Variants in LSAMP observed in about 807,000 individuals in gnomAD.
LSAMP encodes limbic system associated membrane protein, also known as limbic system-associated membrane protein.
In LSAMP, 7 loss-of-function variants were observed where a neutral mutation model predicts 38.6. The ratio of observed to expected loss-of-function variants is 0.18; its 90% CI spans 0.10 to 0.34. The LOEUF is 0.34. Among genes scored for constraint, LSAMP ranks in the 10% least tolerant of loss-of-function variants. The pLI is 1.00. For missense variants in LSAMP, 313 were observed against 420.0 expected, an observed-to-expected ratio of 0.75 and a Z score of 2.23; for synonymous variants, 154 against 166.8, an observed-to-expected ratio of 0.92 and a Z score of 0.59.
chr3:116,348,242 T>C (rs548371387), intron 1 of LSAMP, among the ~76,000 whole-genome samples: 1 of 152,200 alleles, frequency 6.6e-6, no homozygotes, highest in Admixed American at 6.5e-5. Flanking sequence ...TGCTAAGGGA[T>C]CATACTCTCT....
At chr3:116,287,015 C>T (rs2047203845) in intron 1 of LSAMP, among the ~76,000 whole-genome samples, 2 of 152,090 alleles carry the variant, frequency 1.3e-5, no homozygotes, top group Non-Finnish European at 2.9e-5. Context: ...GAATATTCCT[C>T]TCCAGTCTCT....
At chr3:115,824,920 T>A (rs1576114535) in intron 6 of LSAMP, among the ~76,000 whole-genome samples, 1 of 152,164 alleles carries the variant, frequency 6.6e-6, no homozygotes, top group African/African-American at 2.4e-5. Context: ...CTCCAGAGAT[T>A]TACATTCTTT....
intron 1 of LSAMP, among the ~76,000 whole-genome samples, chr3:116,394,812 G>A (rs1462079279): frequency 1.3e-5 from 2 of 152,140 alleles, no homozygotes; most frequent in Non-Finnish European, 2.9e-5. Context: ...CTCAGCAAGT[G>A]TTAATATGTA....
intron 1 of LSAMP, among the ~76,000 whole-genome samples, chr3:116,210,411 G>A (rs1287281246): frequency 1.1e-4 from 16 of 152,170 alleles, no homozygotes; most frequent in East Asian, 9.6e-4. Context: ...TGCGTCTTCC[G>A]GCCTCCATCT....
intron 1 of LSAMP, among the ~76,000 whole-genome samples, chr3:116,183,339 G>A (rs1475164498): frequency 6.6e-6 from 1 of 151,862 alleles, no homozygotes; most frequent in Non-Finnish European, 1.5e-5. Flanking sequence ...GGAAGGCACA[G>A]CATAAAGTGT....
chr3:116,132,449 A>G lies in LSAMP; in HGVS notation c.156-45893T>C, dbSNP rs1401189893. Among the ~76,000 whole-genome samples, 4 of 152,068 alleles carry G rather than the reference A, an allele frequency of 2.6e-5. No individual in the cohort carries two copies. The East Asian group carries it at 5.8e-4, about 22-fold the overall frequency. On this transcript the variant is annotated intron_variant, in intron 1 of 6. Transcript: ENST00000490035. ...CCTCCCACTGCTCCACCCCTGAGGG[A>G]TTATTTGTAATAAGCCATGTTGATT...
chr3:116,383,026 A>G (rs77875675), intron 1 of LSAMP, among the ~76,000 whole-genome samples: 51 of 152,304 alleles, frequency 3.3e-4, no homozygotes, highest in African/African-American at 1.2e-3. Flanking sequence ...CTATCCAGCT[A>G]TCTCACTAGG....
At chr3:115,909,071 C>T (rs1333636168) in intron 3 of LSAMP, among the ~76,000 whole-genome samples, 3 of 152,170 alleles carry the variant, frequency 2.0e-5, no homozygotes, top group Non-Finnish European at 4.4e-5. Context: ...TATGTTGTTG[C>T]TATACTGCCT....
intron 2 of LSAMP, among the ~76,000 whole-genome samples, chr3:116,032,568 A>T (rs914918186): frequency 6.6e-6 from 1 of 152,112 alleles, no homozygotes; most frequent in Non-Finnish European, 1.5e-5. Context: ...AGCACTTTGG[A>T]AGGCTGAGGT....
In LSAMP at chr3:116,382,617, A is replaced by AC. The variant is rs558842963; in HGVS notation, c.155+62259dup. ...ATGCATACATATGTAACAAACCTGC[A>AC]CTTGTGCACATGTACCCTAGAACTT... On this transcript the variant is annotated intron_variant, in intron 1 of 6. Coordinates refer to ENST00000490035, the MANE Select transcript of LSAMP (RefSeq NM_002338.5). Among the ~76,000 whole-genome samples, 658 of 152,140 alleles carry AC rather than the reference A, an allele frequency of 4.3e-3. 8 individuals carry two copies. Among genetic ancestry groups the AC allele is most frequent in the African/African-American group, 0.015 (624 of 41,500 alleles).
rs1484223881 is a variant in LSAMP at position 116,001,455 on chromosome 3, G to A, written c.514+18060C>T. On this transcript the variant is annotated intron_variant, in intron 3 of 6. Transcript: ENST00000490035. ...AGTGTCTGCCCATGAAGAACTCTGA[G>A]GGGAAACTGCTTGTGTTAGTTTGTT... 2.6e-5 allele frequency among the ~76,000 whole-genome samples: 4 copies of A among 152,304 alleles called. No homozygotes were observed. In the East Asian group the frequency reaches 5.8e-4, roughly 22 times the overall value.
At chr3:116,003,950 T>C (rs1940074598) in intron 3 of LSAMP, among the ~76,000 whole-genome samples, 1 of 152,170 alleles carries the variant, frequency 6.6e-6, no homozygotes, top group Admixed American at 6.6e-5. Flanking sequence ...TGATTATTTG[T>C]TGTGGCAGCC....
chr3:116,308,679 A>T (rs1423950636), intron 1 of LSAMP, among the ~76,000 whole-genome samples: 1 of 152,080 alleles, frequency 6.6e-6, no homozygotes, highest in African/African-American at 2.4e-5. Context: ...CAACTGAAGC[A>T]GAGTGGAATA....
At chr3:116,125,272 C>A (rs567222099) in intron 1 of LSAMP, among the ~76,000 whole-genome samples, 2 of 152,296 alleles carry the variant, frequency 1.3e-5, no homozygotes, top group South Asian at 4.1e-4. Context: ...TTTTCCCAGA[C>A]AAAATCAAGA....
intron 1 of LSAMP, among the ~76,000 whole-genome samples, chr3:116,340,135 C>T (rs1032656814): frequency 5.3e-5 from 8 of 151,992 alleles, no homozygotes; most frequent in Non-Finnish European, 7.4e-5. Context: ...TCTGTTAAAA[C>T]GTGTGTGACT....
chr3:115,939,455 G>T (rs1185689353), intron 3 of LSAMP, among the ~76,000 whole-genome samples: 1 of 152,002 alleles, frequency 6.6e-6, no homozygotes, highest in Non-Finnish European at 1.5e-5. Flanking sequence ...TATTGCCTGT[G>T]CTTTTGATGT....
chr3:116,300,673 T>TCTAA (rs1288259086), intron 1 of LSAMP, among the ~76,000 whole-genome samples: 2 of 152,166 alleles, frequency 1.3e-5, no homozygotes, highest in African/African-American at 4.8e-5. Context: ...GATCTGAGAC[T>TCTAA]CTAACTAATA....
chr3:116,363,960 G>A (rs1431861349), intron 1 of LSAMP, among the ~76,000 whole-genome samples: 1 of 22,290 alleles, frequency 4.5e-5, no homozygotes, highest in African/African-American at 2.8e-4. Context: ...ACAAGACAGG[G>A]ATGCCCTCTC....
chr3:116,145,353 G>A (rs1016256274), intron 1 of LSAMP, among the ~76,000 whole-genome samples: 9 of 151,954 alleles, frequency 5.9e-5, no homozygotes, highest in Admixed American at 3.3e-4. Flanking sequence ...GAGAGAGATT[G>A]ATTTTAAATA....
Sources: allele counts gnomAD v4.1 joint callset (sites outside exome capture counted in the v4.1 genomes callset), GRCh38; gene constraint gnomAD v4.1.1; transcripts MANE v1.5; gene names NCBI Gene and HGNC (gene_info 2026-07-23, HGNC 2026-07-21).